The following DENND1B variants were observed in gnomAD, a reference collection of about 807,000 sequenced individuals.
DENND1B encodes the protein DENN domain-containing protein 1B.
DENND1B carries 59 observed loss-of-function variants against 90.1 expected under a neutral mutation model. That is an observed-to-expected ratio of 0.65 (90% CI 0.53 to 0.81). The LOEUF is 0.81. DENND1B is among the 40% of genes least tolerant of loss of function. The pLI is 0.00. For missense variants in DENND1B, 862 were observed against 912.6 expected (o/e 0.94, Z 0.71); for synonymous variants, 337 against 324.6 (o/e 1.04, Z -0.41).
At chr1:197,626,477 A>G (rs1451628259) in intron 10 of DENND1B, among the ~76,000 whole-genome samples, 3 of 152,306 alleles carry the variant, frequency 2.0e-5, no homozygotes, top group Admixed American at 1.3e-4. Context: ...TTTGAAACCA[A>G]TGAGAACAAA....
At chr1:197,740,867 A>C (rs1663145964) in intron 2 of DENND1B, among the ~76,000 whole-genome samples, 3 of 152,212 alleles carry the variant, frequency 2.0e-5, no homozygotes, top group African/African-American at 7.2e-5. Context: ...TTGCAAGATA[A>C]ATAAGCATTT....
chr1:197,752,799 C>T (rs902901709), intron 2 of DENND1B, among the ~76,000 whole-genome samples: 19 of 151,954 alleles, frequency 1.3e-4, no homozygotes, highest in African/African-American at 3.9e-4. Context: ...CCCGACCCCA[C>T]GACAGGCCCC....
At chr1:197,642,602 G>T in intron 10 of DENND1B, 109 bp downstream of exon 10, 1 of 664,630 alleles carries the variant, frequency 1.5e-6, no homozygotes, top group Non-Finnish European at 2.5e-6. Flanking sequence ...AACGTATGTA[G>T]ATATTGTCTT....
In DENND1B at chr1:197,755,472, A is replaced by G. The variant is rs536204315; in HGVS notation, c.82+17396T>C. Among the ~76,000 whole-genome samples, 40 of 152,336 alleles carry G rather than the reference A, an allele frequency of 2.6e-4. 1 individual carries two copies. Among genetic ancestry groups the G allele is most frequent in the Non-Finnish European group, 5.4e-4 (37 of 68,034 alleles). On this transcript the variant is annotated intron_variant, in intron 2 of 22. Coordinates refer to ENST00000620048, the MANE Select transcript of DENND1B (RefSeq NM_001195215.2). ...GGTACAGGATGCCAAAACAAAAGAA[A>G]AAAAAGATCGGACTTTTAAAAATGG...
chr1:197,705,355 T>G (rs1295062276), intron 3 of DENND1B, among the ~76,000 whole-genome samples: 1 of 152,154 alleles, frequency 6.6e-6, no homozygotes, highest in African/African-American at 2.4e-5. Context: ...TCCTTTCAGC[T>G]CTAACCTTCA....
At chr1:197,642,675 A>G in intron 10 of DENND1B, 36 bp downstream of exon 10, 1 of 1,495,446 alleles carries the variant, frequency 6.7e-7, no homozygotes, top group Non-Finnish European at 9.2e-7. Flanking sequence ...TGAAACACTC[A>G]ATACCTGCTA....
chr1:197,698,704 C>T (rs941291775), intron 3 of DENND1B, among the ~76,000 whole-genome samples: 1 of 151,778 alleles, frequency 6.6e-6, no homozygotes, highest in African/African-American at 2.4e-5. Flanking sequence ...ATCATACAGA[C>T]ACAATGAAAA....
chr1:197,604,176 C>A (rs1265763759), intron 13 of DENND1B, among the ~76,000 whole-genome samples: 2 of 96,600 alleles, frequency 2.1e-5, no homozygotes, highest in Non-Finnish European at 4.5e-5. Context: ...TCATTAAAAT[C>A]ACTCCCAATA....
At chr1:197,640,914 C>T (rs565312226) in intron 10 of DENND1B, among the ~76,000 whole-genome samples, 1 of 152,230 alleles carries the variant, frequency 6.6e-6, no homozygotes, top group East Asian at 1.9e-4. Context: ...TGAGACCAGC[C>T]TGGGCAACAT....
chr1:197,590,726 G>T (rs1675124123), intron 14 of DENND1B, among the ~76,000 whole-genome samples: 1 of 152,006 alleles, frequency 6.6e-6, no homozygotes. Flanking sequence ...CATCCTAGTG[G>T]GTATTTTTCT....
chr1:197,770,777 A>AATAT (rs1419686658), intron 2 of DENND1B, among the ~76,000 whole-genome samples: 2 of 136,816 alleles, frequency 1.5e-5, no homozygotes, highest in African/African-American at 5.6e-5. Context: ...TATATCTATA[A>AATAT]ATATATAAAT....
chr1:197,613,063 C>T (rs1200564356), intron 11 of DENND1B, among the ~76,000 whole-genome samples: 1 of 150,716 alleles, frequency 6.6e-6, no homozygotes, highest in African/African-American at 2.4e-5. Flanking sequence ...TTATGACACT[C>T]TTTTTCTGTT....
intron 3 of DENND1B, among the ~76,000 whole-genome samples, chr1:197,695,743 C>G (rs1160755189): frequency 6.6e-6 from 1 of 150,942 alleles, no homozygotes; most frequent in Admixed American, 6.6e-5. Context: ...CAAGCCCAAA[C>G]AACCAAAAAA....
At chr1:197,706,697 G>A (rs1211946602) in intron 3 of DENND1B, among the ~76,000 whole-genome samples, 1 of 152,086 alleles carries the variant, frequency 6.6e-6, no homozygotes, top group East Asian at 1.9e-4. Flanking sequence ...CTAATCATCA[G>A]GGAAATGCAA....
intron 10 of DENND1B, among the ~76,000 whole-genome samples, chr1:197,621,555 T>C (rs1477084667): frequency 1.3e-5 from 2 of 151,428 alleles, no homozygotes; most frequent in South Asian, 2.1e-4. Context: ...ACATTATTTA[T>C]GATATATTGA....
At position 197,613,423 on chromosome 1, in the gene DENND1B, A is replaced by AT. The variant is rs199991965; in HGVS notation, c.774-1448dup. On this transcript the variant is annotated intron_variant, in intron 11 of 22. Coordinates refer to ENST00000620048, the MANE Select transcript of DENND1B (RefSeq NM_001195215.2). ...GCCCTTTGTAGCTTTGTTCCTTCCT[A>AT]TTTTTTTTTTAATTTGAATGCAAGA... 6.2e-3 allele frequency among the ~76,000 whole-genome samples: 906 copies of AT among 145,222 alleles called. 4 individuals are homozygous for AT. Among genetic ancestry groups the AT allele is most frequent in the Middle Eastern group, 0.018 (5 of 282 alleles).
rs371222860 is a variant in DENND1B, at chr1:197,749,599, T to A, written c.82+23269A>T. On this transcript the variant is annotated intron_variant, in intron 2 of 22. Coordinates refer to ENST00000620048, the MANE Select transcript of DENND1B (RefSeq NM_001195215.2). Reference sequence around the variant, plus strand: ...CATTTTCAGATAAAATCTGAGAGAATGTGTCACCAGCAGACTTGATGTACA... The same window carrying A: ...CATTTTCAGATAAAATCTGAGAGAAAGTGTCACCAGCAGACTTGATGTACA... Among the ~76,000 whole-genome samples, 127 of 152,254 alleles carry A rather than the reference T, an allele frequency of 8.3e-4. 1 individual carries two copies. Among genetic ancestry groups the A allele is most frequent in the African/African-American group, 2.8e-3 (116 of 41,560 alleles).
chr1:197,680,231 CA>C (rs1656539779), intron 3 of DENND1B, among the ~76,000 whole-genome samples: 1 of 152,088 alleles, frequency 6.6e-6, no homozygotes. Flanking sequence ...GGAAGACTAC[CA>C]CTCTTTTCCC....
At chr1:197,626,432 T>C (rs1239022648) in intron 10 of DENND1B, among the ~76,000 whole-genome samples, 1 of 151,978 alleles carries the variant, frequency 6.6e-6, no homozygotes, top group Non-Finnish European at 1.5e-5. Flanking sequence ...ACTGGGTACA[T>C]AAATAATGAA....
Sources: allele counts gnomAD v4.1 joint callset (sites outside exome capture counted in the v4.1 genomes callset), GRCh38; gene constraint gnomAD v4.1.1; transcripts MANE v1.5; gene names NCBI Gene and HGNC (gene_info 2026-07-23, HGNC 2026-07-21).